Variants in SNTG1 observed in about 807,000 individuals in gnomAD.
SNTG1 encodes the protein gamma-1-syntrophin.
Under a neutral mutation model 74.7 loss-of-function variants are expected in SNTG1, and 39 were observed. The ratio of observed to expected loss-of-function variants is 0.52; its 90% CI spans 0.40 to 0.68. SNTG1 has a LOEUF of 0.68. Ranked by LOEUF, SNTG1 falls within the 30% of genes least tolerant of loss-of-function variation. The pLI is 0.00. For missense variants in SNTG1, 685 were observed against 609.5 expected (o/e 1.12, Z -1.30); for synonymous variants, 254 against 217.1 (o/e 1.17, Z -1.49).
intron 15 of SNTG1, among the ~76,000 whole-genome samples, chr8:50,660,513 G>T (rs1451519532): frequency 7.5e-6 from 1 of 134,102 alleles, no homozygotes; most frequent in Admixed American, 7.3e-5. Context: ...AGAAGGAAGG[G>T]AGGGAGGGAG....
intron 2 of SNTG1, among the ~76,000 whole-genome samples, chr8:50,224,896 A>G (rs1032014405): frequency 2.0e-5 from 3 of 152,180 alleles, no homozygotes; most frequent in Non-Finnish European, 4.4e-5. Flanking sequence ...TCTACATTCT[A>G]GAGAGAATCC....
intron 1 of SNTG1, among the ~76,000 whole-genome samples, chr8:50,016,099 G>A (rs551644461): frequency 2.0e-5 from 3 of 152,168 alleles, no homozygotes; most frequent in African/African-American, 7.2e-5. Context: ...GAAAGCTGTA[G>A]TGGATCAGAC....
At position 50,794,577 on chromosome 8, in the gene SNTG1, A is replaced by G. The variant is rs369783829; in HGVS notation, c.*1748A>G. 1.5e-3 allele frequency: 224 copies of G among 152,168 alleles called. 2 individuals are homozygous for G. The highest frequency in any genetic ancestry group is 5.2e-3 in the African/African-American group (216 of 41,564). 9.4% of individuals were successfully genotyped at this position (152,168 alleles called of 1,614,324 possible). A position where few individuals can be genotyped will look rare whatever the true frequency, so the allele number is the denominator to read the frequency against. On this transcript the variant is annotated 3_prime_UTR_variant, in exon 19 of 19. Transcript: ENST00000642720. Reference sequence around the variant, plus strand: ...GCACACTATATTGATCAAATACAACAGTCATTGTAAAATTGAAACCCACCA... The same window carrying G: ...GCACACTATATTGATCAAATACAACGGTCATTGTAAAATTGAAACCCACCA...
chr8:50,530,112 A>C, intron 9 of SNTG1, 65 bp from the exon 10 acceptor site: 1 of 1,238,622 alleles, frequency 8.1e-7, no homozygotes, highest in Non-Finnish European at 1.2e-6. Context: ...AGTGTAATGG[A>C]ATGCATCAGT....
Position 50,133,851 on chromosome 8 carries a change from C to T in SNTG1, c.-102-38710C>T, listed in dbSNP as rs572447122. Among the ~76,000 whole-genome samples the T allele has an allele frequency of 4.6e-5, 7 of 152,268 alleles. No individual in the cohort carries two copies. The East Asian group carries it at 1.4e-3, about 29-fold the overall frequency. On this transcript the variant is annotated intron_variant, in intron 1 of 18. Coordinates refer to ENST00000642720, the MANE Select transcript of SNTG1 (RefSeq NM_018967.5). ...CCAAATGAGTTTACATTCTGTGGTA[C>T]TATGGGTTAAAACTTCAATATGTCT...
chr8:50,586,474 T>C (rs1488922984), intron 12 of SNTG1, among the ~76,000 whole-genome samples: 2 of 152,188 alleles, frequency 1.3e-5, no homozygotes, highest in Non-Finnish European at 2.9e-5. Flanking sequence ...CATTCCCCTC[T>C]GCAGCCTCCT....
chr8:50,670,313 C>A (rs1195949165), intron 15 of SNTG1, among the ~76,000 whole-genome samples: 4 of 151,898 alleles, frequency 2.6e-5, no homozygotes, highest in Non-Finnish European at 5.9e-5. Context: ...AGCCCAAAAT[C>A]TCCTGAAGCT....
chr8:50,298,364 G>A (rs946270019), intron 2 of SNTG1, among the ~76,000 whole-genome samples: 1 of 152,126 alleles, frequency 6.6e-6, no homozygotes, highest in Admixed American at 6.6e-5. Context: ...GGTGGAGTTA[G>A]GGCTCAGATT....
At chr8:50,271,133 C>T (rs1380792) in intron 2 of SNTG1, among the ~76,000 whole-genome samples, 72,788 of 151,888 alleles carry the variant, frequency 0.48, 19,661 homozygotes, top group East Asian at 0.83. Context: ...CCCTGGCAAA[C>T]GTGATTAAGG....
intron 5 of SNTG1, among the ~76,000 whole-genome samples, chr8:50,444,094 C>T (rs571161815): frequency 2.6e-5 from 4 of 152,064 alleles, no homozygotes; most frequent in South Asian, 2.1e-4. Context: ...GCTGAGATCA[C>T]GCCTCTGCAT....
intron 2 of SNTG1, among the ~76,000 whole-genome samples, chr8:50,323,283 A>G (rs1200844132): frequency 1.3e-5 from 2 of 152,108 alleles, no homozygotes; most frequent in African/African-American, 4.8e-5. Flanking sequence ...CCCTCAAAAC[A>G]GCTATTTTGA....
chr8:50,523,782 A>G (rs1401805275), intron 9 of SNTG1, among the ~76,000 whole-genome samples: 1 of 152,216 alleles, frequency 6.6e-6, no homozygotes, highest in Non-Finnish European at 1.5e-5. Flanking sequence ...ACCACAAGCT[A>G]TTATAAAAAC....
Position 50,400,324 on chromosome 8 carries a change from T to A in SNTG1, c.28-1886T>A, listed in dbSNP as rs572130361. ...GTATCCTCCATCCTTATCTATGTTG[T>A]TGCAAGTTAAATAATTTTATTCCTT... On this transcript the variant is annotated intron_variant, in intron 3 of 18. Coordinates refer to ENST00000642720, the MANE Select transcript of SNTG1 (RefSeq NM_018967.5). Among the ~76,000 whole-genome samples the A allele has an allele frequency of 5.2e-4, 79 of 152,310 alleles. No individual in the cohort carries two copies. The Middle Eastern group carries it at 0.014, about 26-fold the overall frequency.
At chr8:49,992,476 G>T (rs1391056581) in intron 1 of SNTG1, among the ~76,000 whole-genome samples, 1 of 152,120 alleles carries the variant, frequency 6.6e-6, no homozygotes, top group Non-Finnish European at 1.5e-5. Flanking sequence ...CACTTGATTT[G>T]AAGCAAGTTA....
intron 1 of SNTG1, among the ~76,000 whole-genome samples, chr8:49,978,653 T>G (rs551796725): frequency 6.6e-6 from 1 of 152,252 alleles, no homozygotes; most frequent in South Asian, 2.1e-4. Context: ...AGGACATCAC[T>G]TAAAAACACT....
chr8:50,393,949 G>A (rs1320758226), intron 2 of SNTG1, among the ~76,000 whole-genome samples: 4 of 152,168 alleles, frequency 2.6e-5, no homozygotes, highest in East Asian at 1.9e-4. Context: ...GCCTGCTGGC[G>A]GGGTGGAAAG....
chr8:50,590,819 G>T, intron 12 of SNTG1, 60 bp from the exon 13 acceptor site: 1 of 1,085,930 alleles, frequency 9.2e-7, no homozygotes, highest in Non-Finnish European at 1.3e-6. Context: ...ATAAAATTCT[G>T]GGGACCTTGT....
At chr8:50,226,177 T>G (rs577057573) in intron 2 of SNTG1, among the ~76,000 whole-genome samples, 1 of 152,292 alleles carries the variant, frequency 6.6e-6, no homozygotes, top group Non-Finnish European at 1.5e-5. Context: ...AGCTCTGATT[T>G]TTTTATCTTA....
At chr8:50,517,055 G>T (rs1342200281) in intron 9 of SNTG1, among the ~76,000 whole-genome samples, 1 of 152,096 alleles carries the variant, frequency 6.6e-6, no homozygotes, top group Non-Finnish European at 1.5e-5. Flanking sequence ...GAAAGGTCGT[G>T]TTACCAACAA....
Sources: allele counts gnomAD v4.1 joint callset (sites outside exome capture counted in the v4.1 genomes callset), GRCh38; gene constraint gnomAD v4.1.1; transcripts MANE v1.5; gene names NCBI Gene and HGNC (gene_info 2026-07-23, HGNC 2026-07-21).